The following COXFA4 variants were observed in gnomAD, a reference collection of about 807,000 sequenced individuals.
The protein encoded by COXFA4 is cytochrome c oxidase subunit FA4.
chr7:10,937,513 T>G, the COXFA4 span, among the ~76,000 whole-genome samples: 1 of 152,078 alleles, frequency 6.6e-6, no homozygotes, highest in African/African-American at 2.4e-5. Flanking sequence ...CAGCTCCTGA[T>G]CTCAAGTGAT....
chr7:10,933,258 T>C, the COXFA4 span: 1 of 177,042 alleles, frequency 5.6e-6, no homozygotes, highest in Non-Finnish European at 1.2e-5. Context: ...TACTTTTGTA[T>C]AATTTCCAGT....
At chr7:10,935,320 C>G in the COXFA4 span, among the ~76,000 whole-genome samples, 1 of 152,194 alleles carries the variant, frequency 6.6e-6, no homozygotes, top group African/African-American at 2.4e-5. Flanking sequence ...TTTAGAGTCT[C>G]TGAAACAATA....
the COXFA4 span, chr7:10,939,100 G>A: frequency 1.1e-4 from 56 of 503,804 alleles, no homozygotes; most frequent in Non-Finnish European, 1.7e-4. Flanking sequence ...AATTTGGAAA[G>A]GATGTTAAGA....
the COXFA4 span, among the ~76,000 whole-genome samples, chr7:10,936,776 T>A: frequency 6.6e-6 from 1 of 152,102 alleles, no homozygotes; most frequent in Non-Finnish European, 1.5e-5. Context: ...GTGGCTCACG[T>A]CTGTAATACC....
At chr7:10,940,074 T>C in the COXFA4 span, 15 of 1,613,412 alleles carry the variant, frequency 9.3e-6, no homozygotes, top group Non-Finnish European at 1.3e-5. Flanking sequence ...GGCAGAGGTC[T>C]CCGACTGGAA....
the COXFA4 span, chr7:10,938,850 G>A: frequency 6.2e-7 from 1 of 1,613,786 alleles, no homozygotes; most frequent in Non-Finnish European, 8.5e-7. Flanking sequence ...GAGATACAGT[G>A]TTGCTCCAGT....
the COXFA4 span, chr7:10,938,746 G>T: frequency 8.5e-7 from 1 of 1,173,850 alleles, no homozygotes; most frequent in Non-Finnish European, 1.3e-6. Context: ...GCCCTACAGA[G>T]ACTGTGGCTC....
the COXFA4 span, chr7:10,938,140 T>C: frequency 1.4e-5 from 23 of 1,612,556 alleles, no homozygotes; most frequent in East Asian, 6.7e-5. Flanking sequence ...GGGTTATTTC[T>C]GTCCCAACTA....
At chr7:10,934,844 C>T in the COXFA4 span, among the ~76,000 whole-genome samples, 1 of 152,234 alleles carries the variant, frequency 6.6e-6, no homozygotes, top group East Asian at 1.9e-4. Context: ...AAGCAGTATT[C>T]TTTGTTCTGA....
the COXFA4 span, chr7:10,939,761 C>G: frequency 1.8e-6 from 1 of 559,868 alleles, no homozygotes; most frequent in Non-Finnish European, 3.2e-6. Context: ...CCAATATTCA[C>G]TAACTAGAAA....
the COXFA4 span, chr7:10,938,365 T>G: frequency 1.9e-6 from 1 of 531,986 alleles, no homozygotes; most frequent in Non-Finnish European, 3.3e-6. Flanking sequence ...CACAAGATAC[T>G]TTTTATCTGG....
chr7:10,932,098 C>T, the COXFA4 span: 10 of 152,224 alleles, frequency 6.6e-5, no homozygotes, highest in African/African-American at 2.4e-4. Flanking sequence ...CAATTTTGCC[C>T]ACCAATGGAC....
At chr7:10,934,332 CAATT>C in the COXFA4 span, among the ~76,000 whole-genome samples, 3 of 138,602 alleles carry the variant, frequency 2.2e-5, no homozygotes, top group East Asian at 6.7e-4. Context: ...TCTTTATAAT[CAATT>C]AATATTAATT....
At chr7:10,940,000 G>A in the COXFA4 span, 3 of 1,613,674 alleles carry the variant, frequency 1.9e-6, no homozygotes, top group South Asian at 1.1e-5. Context: ...CATTAGGAGA[G>A]CGGTCACGAA....
At chr7:10,939,472 T>C in the COXFA4 span, 7 of 179,828 alleles carry the variant, frequency 3.9e-5, no homozygotes, top group Middle Eastern at 2.9e-3. Flanking sequence ...AGCACATTGA[T>C]GTGCTGAGGA....
At chr7:10,937,732 C>T in the COXFA4 span, 6,153 of 241,716 alleles carry the variant, frequency 0.025, 108 homozygotes, top group Middle Eastern at 0.054. Context: ...ATTCTCATGC[C>T]CCACAAAAGA....
the COXFA4 span, among the ~76,000 whole-genome samples, chr7:10,935,721 G>A: frequency 3.1e-4 from 47 of 152,286 alleles, no homozygotes; most frequent in African/African-American, 1.1e-3. Flanking sequence ...ACCTTGATCT[G>A]GACTTCCCAG....
chr7:10,937,035 C>CCAA, the COXFA4 span, among the ~76,000 whole-genome samples: 2 of 151,822 alleles, frequency 1.3e-5, no homozygotes, highest in African/African-American at 2.4e-5. Flanking sequence ...GACTCTGTCT[C>CCAA]CAACAACAAC....
At chr7:10,938,364 C>T in the COXFA4 span, 1 of 531,368 alleles carries the variant, frequency 1.9e-6, no homozygotes. Context: ...TCACAAGATA[C>T]TTTTTATCTG....
Sources: gnomAD v4.1 joint callset for allele counts (sites outside exome capture counted in the v4.1 genomes callset) on GRCh38, gnomAD v4.1.1 for gene constraint, MANE v1.5 for transcripts, NCBI Gene and HGNC (gene_info 2026-07-23, HGNC 2026-07-21) for gene names.